Variants in COG6 observed in about 807,000 individuals in gnomAD.
COG6 encodes the protein conserved oligomeric Golgi complex subunit 6.
COG6 carries 74 observed loss-of-function variants against 88.8 expected under a neutral mutation model. That is an observed-to-expected ratio of 0.83 (90% CI 0.69 to 1.01). COG6 has a LOEUF of 1.01. Ranked by LOEUF, COG6 falls within the 50% of genes least tolerant of loss-of-function variation. The pLI, the probability that COG6 is intolerant of heterozygous loss-of-function variation, is 0.00. For synonymous variants in COG6, 286 were observed against 278.7 expected, an observed-to-expected ratio of 1.03 and a Z score of -0.26; for missense variants, 800 against 797.9, an observed-to-expected ratio of 1.00 and a Z score of -0.03.
chr13:39,748,118 T>C (rs995032063), intron 18 of COG6, among the ~76,000 whole-genome samples: 1 of 152,300 alleles, frequency 6.6e-6, no homozygotes, highest in South Asian at 2.1e-4. Flanking sequence ...GTTATTGCGC[T>C]TAGAAAAGAA....
intron 3 of COG6, among the ~76,000 whole-genome samples, chr13:39,661,595 A>C (rs767233003): frequency 6.6e-6 from 1 of 152,054 alleles, no homozygotes; most frequent in Non-Finnish European, 1.5e-5. Context: ...TGTTTCTCTA[A>C]AATTTTATCT....
At chr13:39,774,581 C>CTT (rs545290655) in intron 18 of COG6, among the ~76,000 whole-genome samples, 2 of 145,554 alleles carry the variant, frequency 1.4e-5, no homozygotes. Flanking sequence ...TTTCTTTTTT[C>CTT]TTTTTTTTTT....
chr13:39,669,927 TG>T (rs1875517491), intron 4 of COG6, among the ~76,000 whole-genome samples: 1 of 152,170 alleles, frequency 6.6e-6, no homozygotes, highest in Non-Finnish European at 1.5e-5. Flanking sequence ...AACAGGTCTC[TG>T]GGGGCTGGCA....
In COG6 at chr13:39,656,425, G is replaced by T. The variant is rs541593244; in HGVS notation, c.153+546G>T. ...AATGAACTCATATCTACTAGTTTTT[G>T]TTGAGCCAAGCGCTATGATTTGTGG... On this transcript the variant is annotated intron_variant, in intron 1 of 18. Coordinates refer to ENST00000455146, the MANE Select transcript of COG6 (RefSeq NM_020751.3). 9 of 330,804 alleles carry T rather than the reference G, an allele frequency of 2.7e-5. No individual in the cohort carries two copies. In the East Asian group the frequency reaches 7.0e-4, roughly 26 times the overall value. The allele number at this position is 330,804 out of a possible 1,614,324, so 20.5% of individuals were successfully genotyped here. A position where few individuals can be genotyped will look rare whatever the true frequency, so the allele number is the denominator to read the frequency against.
intron 12 of COG6, among the ~76,000 whole-genome samples, chr13:39,698,449 T>C (rs906736433): frequency 1.3e-5 from 2 of 151,980 alleles, no homozygotes; most frequent in African/African-American, 2.4e-5. Flanking sequence ...TGCTAGTATT[T>C]TGCTGTTTGC....
At chr13:39,765,957 A>T (rs1881151035) in intron 18 of COG6, among the ~76,000 whole-genome samples, 1 of 152,194 alleles carries the variant, frequency 6.6e-6, no homozygotes, top group Admixed American at 6.5e-5. Flanking sequence ...GCCTGTAGGG[A>T]GGGTTCTGTT....
rs753326124 is a variant in COG6 at position 39,713,171 on chromosome 13, A to C, written c.1285-6065A>C. ...CTGGTTTCCAAGGAAGTGGAGTGTGAATAAACTTGGATTTTCTACACAGCT... is the reference window on the plus strand; with the variant it reads ...CTGGTTTCCAAGGAAGTGGAGTGTGCATAAACTTGGATTTTCTACACAGCT... On this transcript the variant is annotated intron_variant, in intron 13 of 18. Transcript: ENST00000455146. 2.8e-4 allele frequency among the ~76,000 whole-genome samples: 42 copies of C among 152,166 alleles called. 1 individual carries two copies. The highest frequency in any genetic ancestry group is 2.1e-4 in the South Asian group (1 of 4,822).
downstream of COG6, among the ~76,000 whole-genome samples, chr13:39,756,423 TAG>T (rs1330676390): frequency 6.6e-6 from 1 of 151,982 alleles, no homozygotes; most frequent in African/African-American, 2.4e-5. Flanking sequence ...ACACAAACAA[TAG>T]GAGTCTCAGA....
At chr13:39,657,091 G>A (rs1448205362) in intron 1 of COG6, among the ~76,000 whole-genome samples, 4 of 152,164 alleles carry the variant, frequency 2.6e-5, no homozygotes, top group Non-Finnish European at 4.4e-5. Flanking sequence ...AGTGCAATGG[G>A]CGCAGTCTCG....
chr13:39,757,134 G>A (rs1880862586), downstream of COG6, among the ~76,000 whole-genome samples: 2 of 152,118 alleles, frequency 1.3e-5, no homozygotes, highest in Admixed American at 1.3e-4. Context: ...ATTATACAAA[G>A]TATGTTTTCA....
chr13:39,712,732 A>G (rs1432752151), intron 13 of COG6, among the ~76,000 whole-genome samples: 1 of 152,220 alleles, frequency 6.6e-6, no homozygotes, highest in Non-Finnish European at 1.5e-5. Flanking sequence ...TTTTGTATCC[A>G]TTCATTCACA....
chr13:39,708,236 T>A (rs1878048827), intron 13 of COG6, among the ~76,000 whole-genome samples: 1 of 152,228 alleles, frequency 6.6e-6, no homozygotes, highest in Admixed American at 6.5e-5. Context: ...GTTACCTTTT[T>A]CTTATTGACT....
At chr13:39,662,875 TATTC>T (rs1458670817) in intron 3 of COG6, among the ~76,000 whole-genome samples, 1 of 152,098 alleles carries the variant, frequency 6.6e-6, no homozygotes, top group Non-Finnish European at 1.5e-5. Context: ...GTTTTTAAGT[TATTC>T]ATAAAGAAAA....
Position 39,714,610 on chromosome 13 carries a change from T to TG in COG6, c.1285-4625dup, listed in dbSNP as rs917157704. Among the ~76,000 whole-genome samples, 4 of 150,350 alleles carry TG rather than the reference T, an allele frequency of 2.7e-5. No homozygotes were observed. In the East Asian group the frequency reaches 5.8e-4, roughly 22 times the overall value. On this transcript the variant is annotated intron_variant, in intron 13 of 18. Transcript: ENST00000455146. ...TGTAAGAATGGCCATTATTAAAAAG[T>TG]GAAAAAAAAAACCATATTGATGTGG...
chr13:39,714,933 T>C (rs9566471), intron 13 of COG6, among the ~76,000 whole-genome samples: 1 of 151,936 alleles, frequency 6.6e-6, no homozygotes, highest in Non-Finnish European at 1.5e-5. Flanking sequence ...AGGCCATTAT[T>C]CTAAGTGAAG....
chr13:39,777,989 G>A (rs1476567514), intron 18 of COG6, among the ~76,000 whole-genome samples: 1 of 152,162 alleles, frequency 6.6e-6, no homozygotes, highest in Non-Finnish European at 1.5e-5. Context: ...AACATTCATG[G>A]TATCAGCAAG....
intron 18 of COG6, among the ~76,000 whole-genome samples, chr13:39,733,024 A>G (rs1879535557): frequency 6.6e-6 from 1 of 152,070 alleles, no homozygotes; most frequent in Non-Finnish European, 1.5e-5. Flanking sequence ...GAATATCATC[A>G]CCTTTGAAAA....
At chr13:39,783,373 A>G (rs1881684562) in intron 18 of COG6, among the ~76,000 whole-genome samples, 1 of 152,218 alleles carries the variant, frequency 6.6e-6, no homozygotes, top group African/African-American at 2.4e-5. Flanking sequence ...ATGCTTAACA[A>G]CACAAAAGCC....
At chr13:39,690,371 T>A (rs181340265) in intron 11 of COG6, among the ~76,000 whole-genome samples, 2 of 152,042 alleles carry the variant, frequency 1.3e-5, no homozygotes, top group African/African-American at 2.4e-5. Flanking sequence ...CTTCTGCACC[T>A]GAATTATGCT....
Sources: gnomAD v4.1 joint callset for allele counts (sites outside exome capture counted in the v4.1 genomes callset) on GRCh38, gnomAD v4.1.1 for gene constraint, MANE v1.5 for transcripts, NCBI Gene and HGNC (gene_info 2026-07-23, HGNC 2026-07-21) for gene names.